CYRIB: variants seen among roughly 807,000 people sequenced by gnomAD.
CYRIB encodes CYFIP-related Rac1 interactor B.
A neutral mutation model predicts 44.2 loss-of-function variants in CYRIB; 8 were observed. That is an observed-to-expected ratio of 0.18 (90% CI 0.11 to 0.33). The LOEUF (loss-of-function observed/expected upper bound fraction) is 0.33. CYRIB is among the 10% of genes least tolerant of loss of function. The probability of loss-of-function intolerance (pLI) is 1.00; values close to 1 mark genes in which losing one functional copy is unlikely to be tolerated. For synonymous variants in CYRIB, 131 were observed against 127.2 expected, an observed-to-expected ratio of 1.03 and a Z score of -0.20; for missense variants, 185 against 382.8, an observed-to-expected ratio of 0.48 and a Z score of 4.31.
intron 2 of CYRIB, among the ~76,000 whole-genome samples, chr8:129,960,325 T>C (rs2095166631): frequency 6.6e-6 from 1 of 152,204 alleles, no homozygotes; most frequent in Non-Finnish European, 1.5e-5. Context: ...TCAGGCGCAG[T>C]AGCTCGTACC....
At chr8:129,943,097 C>CCA, upstream of CYRIB, among the ~76,000 whole-genome samples, 5 of 145,262 alleles carry the variant, frequency 3.4e-5, no homozygotes, top group African/African-American at 1.3e-4. Context: ...CCCGCCCCCC[C>CCA]GCACTGTGTC....
intron 2 of CYRIB, among the ~76,000 whole-genome samples, chr8:129,953,832 T>C (rs888100254): frequency 7.9e-5 from 12 of 152,146 alleles, no homozygotes; most frequent in Non-Finnish European, 1.8e-4. Context: ...TTAGCCTAAA[T>C]GATCAGGTCA....
intron 7 of CYRIB, among the ~76,000 whole-genome samples, chr8:129,852,733 C>T (rs555779453): frequency 6.6e-6 from 1 of 152,220 alleles, no homozygotes; most frequent in Non-Finnish European, 1.5e-5. Context: ...ACAAGGTATT[C>T]CAATCTGGCA....
chr8:129,959,513 G>A (rs994344390), intron 2 of CYRIB, among the ~76,000 whole-genome samples: 2 of 152,166 alleles, frequency 1.3e-5, no homozygotes, highest in East Asian at 1.9e-4. Flanking sequence ...GATGACTCAC[G>A]CCTGTAATCC....
intron 2 of CYRIB, among the ~76,000 whole-genome samples, chr8:129,947,635 G>T (rs1000101167): frequency 6.6e-6 from 1 of 152,126 alleles, no homozygotes; most frequent in Non-Finnish European, 1.5e-5. Context: ...CATATTGATT[G>T]CAGCAAAAAA....
intron 5 of CYRIB, among the ~76,000 whole-genome samples, chr8:129,859,172 A>C (rs906528558): frequency 5.3e-5 from 8 of 152,288 alleles, no homozygotes; most frequent in African/African-American, 1.9e-4. Flanking sequence ...TGTCCACTGG[A>C]CAGGGGGCCC....
chr8:129,850,618 C>A, intron 9 of CYRIB: 1 of 545,586 alleles, frequency 1.8e-6, no homozygotes, highest in South Asian at 2.2e-5. Flanking sequence ...TCTGAGGTAC[C>A]TGAAGACCAA....
intron 5 of CYRIB, among the ~76,000 whole-genome samples, chr8:129,858,576 C>G (rs1025013791): frequency 1.3e-5 from 2 of 152,064 alleles, no homozygotes; most frequent in African/African-American, 4.8e-5. Flanking sequence ...CTCTCAAACT[C>G]TCAGAAGAGA....
chr8:129,861,450 T>C (rs1450859676), intron 5 of CYRIB, among the ~76,000 whole-genome samples: 1 of 151,892 alleles, frequency 6.6e-6, no homozygotes, highest in Non-Finnish European at 1.5e-5. Context: ...TTTCTTTCTT[T>C]CTTTTTTGAG....
chr8:129,878,048 G>A (rs1239820398), intron 3 of CYRIB, among the ~76,000 whole-genome samples: 2 of 152,176 alleles, frequency 1.3e-5, no homozygotes, highest in Non-Finnish European at 2.9e-5. Context: ...TAAAAGTCAT[G>A]CTAAACATGC....
At chr8:129,929,490 A>G (rs2090004273) in intron 1 of CYRIB, among the ~76,000 whole-genome samples, 1 of 152,206 alleles carries the variant, frequency 6.6e-6, no homozygotes, top group Admixed American at 6.5e-5. Flanking sequence ...TGTGCATTTG[A>G]AATAGATGAA....
intron 5 of CYRIB, 49 bp downstream of exon 7, chr8:129,862,180 A>G (rs1464708176): frequency 7.5e-7 from 1 of 1,335,504 alleles, no homozygotes; most frequent in Non-Finnish European, 1.1e-6. Context: ...TGGAATGAAT[A>G]AACATCTTTT....
At chr8:129,865,776 T>C (rs1298480777) in intron 4 of CYRIB, among the ~76,000 whole-genome samples, 1 of 152,238 alleles carries the variant, frequency 6.6e-6, no homozygotes, top group Non-Finnish European at 1.5e-5. Flanking sequence ...GAATGTTATA[T>C]AAATATGAAT....
chr8:129,916,567 G>A (rs1407752394), intron 1 of CYRIB, among the ~76,000 whole-genome samples: 1 of 152,110 alleles, frequency 6.6e-6, no homozygotes, highest in Non-Finnish European at 1.5e-5. Context: ...TTCCAGTACT[G>A]AAATCTGTTT....
At chr8:129,886,676 G>A (rs1365742674) in intron 2 of CYRIB, among the ~76,000 whole-genome samples, 1 of 152,016 alleles carries the variant, frequency 6.6e-6, no homozygotes, top group Non-Finnish European at 1.5e-5. Context: ...TAACTTCCAC[G>A]TTGCTAATTC....
At chr8:129,952,539 T>C (rs1355149070) in intron 2 of CYRIB, among the ~76,000 whole-genome samples, 9 of 152,098 alleles carry the variant, frequency 5.9e-5, no homozygotes, top group Non-Finnish European at 1.3e-4. Context: ...ACAAGATGAA[T>C]GTGGAAGTGA....
chr8:129,847,416 A>G (rs1563991842), intron 10 of CYRIB: 1 of 152,486 alleles, frequency 6.6e-6, no homozygotes, highest in Non-Finnish European at 1.5e-5. Context: ...GTGAGCCGAG[A>G]TCGCACTACT....
intron 2 of CYRIB, among the ~76,000 whole-genome samples, chr8:129,959,328 C>T (rs192084183): frequency 2.0e-5 from 3 of 152,220 alleles, no homozygotes; most frequent in Non-Finnish European, 4.4e-5. Context: ...GCAAGCAACT[C>T]CAGCTCTCTG....
chr8:129,869,381 C>CAAAAAAAAAAAAAAAAAAAA (rs572134261), intron 4 of CYRIB, among the ~76,000 whole-genome samples: 1 of 74,090 alleles, frequency 1.3e-5, no homozygotes, highest in Non-Finnish European at 2.8e-5. Context: ...AACTCTGCCT[C>CAAAAAAAAAAAAAAAAAAAA]AAAAAAAAAA....
Sources: allele counts gnomAD v4.1 joint callset (sites outside exome capture counted in the v4.1 genomes callset), GRCh38; gene constraint gnomAD v4.1.1; transcripts MANE v1.5; gene names NCBI Gene and HGNC (gene_info 2026-07-23, HGNC 2026-07-21).